ABCC4: variants seen among roughly 807,000 people sequenced by gnomAD.
ABCC4 encodes ATP-binding cassette sub-family C member 4.
In ABCC4, 102 loss-of-function variants were observed where a neutral mutation model predicts 168.5. That is an observed-to-expected ratio of 0.61 (90% CI 0.52 to 0.71). The LOEUF (loss-of-function observed/expected upper bound fraction) is 0.71, where lower values mean the gene tolerates loss of function less well. ABCC4 is among the 30% of genes least tolerant of loss of function. The probability of loss-of-function intolerance (pLI) is 0.00; values close to 1 mark genes in which losing one functional copy is unlikely to be tolerated. For synonymous variants in ABCC4, 617 were observed against 590.7 expected (o/e 1.04, Z -0.65); for missense variants, 1,402 against 1,605.8 (o/e 0.87, Z 2.17).
chr13:95,209,328 G>A, intron 6 of ABCC4, 106 bp downstream of exon 6: 1 of 1,309,430 alleles, frequency 7.6e-7, no homozygotes, highest in Non-Finnish European at 1.1e-6. Context: ...CATATGCAAG[G>A]AAGAGATAAT....
At chr13:95,086,959 T>C (rs1013758864) in intron 20 of ABCC4, among the ~76,000 whole-genome samples, 5 of 152,188 alleles carry the variant, frequency 3.3e-5, no homozygotes, top group African/African-American at 9.7e-5. Context: ...CACTGAAGAA[T>C]TGTGTTCTAA....
intron 1 of ABCC4, among the ~76,000 whole-genome samples, chr13:95,270,394 T>C (rs911605613): frequency 6.8e-6 from 1 of 146,022 alleles, no homozygotes; most frequent in Non-Finnish European, 1.5e-5. Context: ...TAAGAAAAGG[T>C]GGGCGTAATA....
At chr13:95,082,913 T>C (rs990477540) in intron 21 of ABCC4, among the ~76,000 whole-genome samples, 16 of 152,198 alleles carry the variant, frequency 1.1e-4, no homozygotes, top group Non-Finnish European at 1.0e-4. Flanking sequence ...ACTCCCCATA[T>C]GGCCTTCACT....
intron 12 of ABCC4, 27 bp downstream of exon 12, chr13:95,177,970 C>A: frequency 6.2e-7 from 1 of 1,610,276 alleles, no homozygotes; most frequent in Non-Finnish European, 8.5e-7. Context: ...AAGACACCGG[C>A]ATAGTGGCTG....
At chr13:95,246,130 G>T (rs1003397992) in intron 3 of ABCC4, among the ~76,000 whole-genome samples, 9 of 152,160 alleles carry the variant, frequency 5.9e-5, no homozygotes, top group Non-Finnish European at 1.2e-4. Context: ...CAGATCTCAA[G>T]AGAGGCCCTT....
chr13:95,073,349 C>T, intron 23 of ABCC4, 45 bp from the exon 24 acceptor site: 1 of 1,485,318 alleles, frequency 6.7e-7, no homozygotes, highest in Non-Finnish European at 9.3e-7. Flanking sequence ...TCACTTCAAA[C>T]CTAAGCCTGG....
intron 26 of ABCC4, 86 bp from the exon 27 acceptor site, chr13:95,053,270 A>G: frequency 9.8e-7 from 1 of 1,018,586 alleles, no homozygotes; most frequent in Non-Finnish European, 1.5e-6. Flanking sequence ...GAATTAAGAT[A>G]CCAAAAAATA....
intron 13 of ABCC4, among the ~76,000 whole-genome samples, chr13:95,175,308 T>TG (rs1372997935): frequency 1.3e-5 from 2 of 151,506 alleles, no homozygotes; most frequent in Admixed American, 1.3e-4. Flanking sequence ...TTTTTAAAAT[T>TG]TTTTTTTTAT....
intron 1 of ABCC4, among the ~76,000 whole-genome samples, chr13:95,259,294 C>T (rs1011543005): frequency 6.6e-6 from 1 of 151,492 alleles, no homozygotes; most frequent in Non-Finnish European, 1.5e-5. Flanking sequence ...GCAGGAGAAT[C>T]GCTTGAACCA....
At chr13:95,163,253 T>C in intron 17 of ABCC4, 37 bp from the exon 18 acceptor site, 1 of 1,353,930 alleles carries the variant, frequency 7.4e-7, no homozygotes, top group Admixed American at 2.1e-5. Context: ...TTAAGCTATA[T>C]ATGAAATTTA....
rs140432161 is a variant in ABCC4 at position 95,295,531 on chromosome 13, G to C, written c.74+5710C>G. Among the ~76,000 whole-genome samples, 495 of 151,856 alleles carry C rather than the reference G, an allele frequency of 3.3e-3. 2 individuals are homozygous for C. Among genetic ancestry groups the C allele is most frequent in the African/African-American group, 0.011 (453 of 41,378 alleles). ...AAATTAGCTGGATGCAGTGGCGTGC[G>C]CTTGTAGTCCCAGCTACTCAGGAGG... is the stretch of plus-strand genomic sequence containing the variant. On this transcript the variant is annotated intron_variant, in intron 1 of 30. Coordinates refer to ENST00000645237, the MANE Select transcript of ABCC4 (RefSeq NM_005845.5).
At chr13:95,061,594 T>TGTGTG (rs2033296201) in intron 26 of ABCC4, among the ~76,000 whole-genome samples, 24 of 133,942 alleles carry the variant, frequency 1.8e-4, no homozygotes, top group African/African-American at 6.3e-4. Context: ...GAATATGTGT[T>TGTGTG]TGTGTGTGTG....
chr13:95,155,636 C>T (rs751791677), intron 19 of ABCC4, among the ~76,000 whole-genome samples: 1 of 152,100 alleles, frequency 6.6e-6, no homozygotes, highest in African/African-American at 2.4e-5. Flanking sequence ...AATATACATA[C>T]ACACACATAC....
chr13:95,196,617 G>A (rs1252777778), intron 8 of ABCC4, among the ~76,000 whole-genome samples: 4 of 6,954 alleles, frequency 5.8e-4, no homozygotes, highest in African/African-American at 1.8e-3. Flanking sequence ...AGGAAGGAAG[G>A]AAGGAAGGAA....
chr13:95,102,614 C>A (rs966736192), intron 20 of ABCC4, among the ~76,000 whole-genome samples: 2 of 148,106 alleles, frequency 1.4e-5, no homozygotes, highest in African/African-American at 4.9e-5. Flanking sequence ...TATTTACTTA[C>A]AAGTGATATC....
chr13:95,098,419 A>G lies in ABCC4; in HGVS notation c.2536-15129T>C, dbSNP rs557126171. Among the ~76,000 whole-genome samples the G allele has an allele frequency of 3.3e-5, 5 of 152,112 alleles. No individual in the cohort carries two copies. The East Asian group carries it at 5.8e-4, about 18-fold the overall frequency. On this transcript the variant is annotated intron_variant, in intron 20 of 30. Transcript: ENST00000645237. Reference sequence around the variant, plus strand: ...ACAAAATCAAACATGAATTCACTGGAAAAAAAATCAAAATTGATAAACTCC... The same window carrying G: ...ACAAAATCAAACATGAATTCACTGGGAAAAAAATCAAAATTGATAAACTCC...
At position 95,297,785 on chromosome 13, in the gene ABCC4, T is replaced by C. The variant is rs569606353; in HGVS notation, c.74+3456A>G. Among the ~76,000 whole-genome samples the C allele has an allele frequency of 4.6e-5, 7 of 151,702 alleles. No individual in the cohort carries two copies. In the East Asian group the frequency reaches 1.4e-3, roughly 30 times the overall value. ...CAAACTCCTGAGCTGTGGATTACAG[T>C]GTCCTTGGGGCACTGTTAGGTTAAT... On this transcript the variant is annotated intron_variant, in intron 1 of 30. Coordinates refer to ENST00000645237, the MANE Select transcript of ABCC4 (RefSeq NM_005845.5).
Position 95,021,509 on chromosome 13 carries a change from G to T in ABCC4, c.*66C>A. On this transcript the variant is annotated 3_prime_UTR_variant, in exon 31 of 31. Transcript: ENST00000645237. Reference sequence around the variant, plus strand: ...TTGCCAAAGTAAAAAAAAGTACAATGTGGTTTACATAGTCCAAAAACTAGT... The same window carrying T: ...TTGCCAAAGTAAAAAAAAGTACAATTTGGTTTACATAGTCCAAAAACTAGT... 2.7e-6 allele frequency: 3 copies of T among 1,115,430 alleles called. No homozygotes were observed. The highest frequency in any genetic ancestry group is 1.4e-5 in the South Asian group (1 of 72,798). The allele number at this position is 1,115,430 out of a possible 1,614,324, so 69.1% of individuals were successfully genotyped here.
At chr13:95,104,812 T>C (rs2034943213) in intron 20 of ABCC4, among the ~76,000 whole-genome samples, 2 of 152,156 alleles carry the variant, frequency 1.3e-5, no homozygotes, top group African/African-American at 2.4e-5. Flanking sequence ...GTGGCAGGCA[T>C]GTGCTACAGG....
Sources: allele counts gnomAD v4.1 joint callset (sites outside exome capture counted in the v4.1 genomes callset), GRCh38; gene constraint gnomAD v4.1.1; transcripts MANE v1.5; gene names NCBI Gene and HGNC (gene_info 2026-07-23, HGNC 2026-07-21).